ASAP2: variants seen among roughly 807,000 people sequenced by gnomAD.
The protein encoded by ASAP2 is ArfGAP with SH3 domain, ankyrin repeat and PH domain 2, also known as arf-GAP with SH3 domain, ANK repeat and PH domain-containing protein 2.
Under a neutral mutation model 131.4 loss-of-function variants are expected in ASAP2, and 45 were observed. The observed-to-expected ratio is 0.34, with a 90% CI of 0.27 to 0.44. The LOEUF (loss-of-function observed/expected upper bound fraction) is 0.44. ASAP2 is among the 20% of genes least tolerant of loss of function. The pLI is 1.00. For synonymous variants in ASAP2, 510 were observed against 503.0 expected (o/e 1.01, Z -0.19); for missense variants, 1,011 against 1,297.0 (o/e 0.78, Z 3.39).
chr2:9,266,022 C>G lies in ASAP2; in HGVS notation c.127-13295C>G, dbSNP rs183902887. 5.4e-4 allele frequency among the ~76,000 whole-genome samples: 82 copies of G among 152,256 alleles called. 1 individual carries two copies. Among genetic ancestry groups the G allele is most frequent in the Non-Finnish European group, 5.1e-4 (35 of 67,992 alleles). ...CTCCTGACCTCAAGTGATCCACCCC[C>G]CCACCCCCTGCCTTGGCCTCCCAAA... On this transcript the variant is annotated intron_variant, in intron 1 of 27. Transcript: ENST00000281419.
rs545613800 is a variant in ASAP2 at position 9,231,057 on chromosome 2, C to G, written c.126+23827C>G. On this transcript the variant is annotated intron_variant, in intron 1 of 27. Coordinates refer to ENST00000281419, the MANE Select transcript of ASAP2 (RefSeq NM_003887.3). Reference sequence around the variant, plus strand: ...GCTCGGCTGCTTTGCGGTTCTATGTCGGTCACTTTCCCCAGGCCACTTCCT... The same window carrying G: ...GCTCGGCTGCTTTGCGGTTCTATGTGGGTCACTTTCCCCAGGCCACTTCCT... Among the ~76,000 whole-genome samples the G allele has an allele frequency of 3.9e-5, 6 of 152,300 alleles. No individual in the cohort carries two copies. The East Asian group carries it at 1.2e-3, about 29-fold the overall frequency.
chr2:9,272,308 A>G (rs575699331), intron 1 of ASAP2, among the ~76,000 whole-genome samples: 5 of 152,216 alleles, frequency 3.3e-5, no homozygotes, highest in South Asian at 2.1e-4. Flanking sequence ...CGGATGATCA[A>G]TGATGTTGAA....
chr2:9,253,135 T>C (rs1021682357), intron 1 of ASAP2, among the ~76,000 whole-genome samples: 1 of 152,148 alleles, frequency 6.6e-6, no homozygotes, highest in African/African-American at 2.4e-5. Context: ...TGAGGTCTAC[T>C]CTGCAAACAA....
At chr2:9,307,760 A>G (rs1303952385) in intron 3 of ASAP2, among the ~76,000 whole-genome samples, 1 of 152,100 alleles carries the variant, frequency 6.6e-6, no homozygotes, top group African/African-American at 2.4e-5. Context: ...AAAGTTGCCA[A>G]TGTGTTTTTG....
At chr2:9,401,225 G>A in intron 26 of ASAP2, 49 bp from the exon 27 acceptor site, 3 of 1,608,010 alleles carry the variant, frequency 1.9e-6, no homozygotes, top group Non-Finnish European at 2.5e-6. Context: ...TCTGCCCTGA[G>A]AGCTGAGGCC....
intron 22 of ASAP2, among the ~76,000 whole-genome samples, 161 bp from the exon 23 acceptor site, chr2:9,390,901 C>T (rs920855129): frequency 2.0e-5 from 3 of 152,176 alleles, no homozygotes; most frequent in East Asian, 1.9e-4. Context: ...TTCCACATGC[C>T]GGAGACAGGA....
At chr2:9,256,984 T>C (rs2148174444) in intron 1 of ASAP2, among the ~76,000 whole-genome samples, 1 of 152,236 alleles carries the variant, frequency 6.6e-6, no homozygotes, top group East Asian at 1.9e-4. Flanking sequence ...AGTCCTTGGC[T>C]GGAGTGCCTC....
intron 1 of ASAP2, among the ~76,000 whole-genome samples, chr2:9,246,607 C>A (rs1003456664): frequency 5.3e-5 from 8 of 152,162 alleles, no homozygotes; most frequent in African/African-American, 1.9e-4. Flanking sequence ...AAATTGTAAT[C>A]ATTCACCTGT....
chr2:9,388,231 A>G, intron 21 of ASAP2, 63 bp from the exon 22 acceptor site: 2 of 1,595,754 alleles, frequency 1.3e-6, no homozygotes. Context: ...CCTGTGTTGA[A>G]TGTTATCACC....
At chr2:9,278,989 T>C (rs1403511965) in intron 1 of ASAP2, among the ~76,000 whole-genome samples, 1 of 152,198 alleles carries the variant, frequency 6.6e-6, no homozygotes, top group Admixed American at 6.5e-5. Flanking sequence ...AGGGTTCGGC[T>C]GGAGTAATTC....
chr2:9,402,557 G>A (rs1360792090), intron 27 of ASAP2, among the ~76,000 whole-genome samples: 3 of 152,148 alleles, frequency 2.0e-5, no homozygotes, highest in Non-Finnish European at 2.9e-5. Context: ...CCCACCATCC[G>A]GAAGGGGCGC....
intron 5 of ASAP2, among the ~76,000 whole-genome samples, chr2:9,320,658 C>T (rs576743534): frequency 1.3e-5 from 2 of 152,280 alleles, no homozygotes; most frequent in South Asian, 2.1e-4. Flanking sequence ...AACACTTTGT[C>T]CATTCCGTTA....
At position 9,297,390 on chromosome 2, in the gene ASAP2, C is replaced by T. The variant is rs568509831; in HGVS notation, c.290C>T (p.Ala97Val). The change falls in exon 3 of 28, where the codon GCG (alanine) becomes GTG (valine). Residue 97 changes from alanine to valine, a missense_variant. Coordinates refer to ENST00000281419, the MANE Select transcript of ASAP2 (RefSeq NM_003887.3). ...AGAGATGACCCAGATTTAGGAAGTG[C>T]GTTCCTGAAGTTCTCAGTGTTTACA... ...VCRDDPDLGS[A>V]FLKFSVFTKE... is the part of the protein sequence containing the mutation. 1 of 1,614,114 alleles carries T rather than the reference C, an allele frequency of 6.2e-7. No individual in the cohort carries two copies. The highest frequency in any genetic ancestry group is 8.5e-7 in the Non-Finnish European group (1 of 1,180,012).
chr2:9,318,820 G>A (rs1669968786), intron 4 of ASAP2, among the ~76,000 whole-genome samples: 1 of 152,242 alleles, frequency 6.6e-6, no homozygotes, highest in African/African-American at 2.4e-5. Flanking sequence ...AACAAAGTTG[G>A]TGAGGGGAGG....
chr2:9,261,493 T>C (rs966353038), intron 1 of ASAP2, among the ~76,000 whole-genome samples: 1 of 152,238 alleles, frequency 6.6e-6, no homozygotes, highest in Admixed American at 6.5e-5. Flanking sequence ...CTGTGGAGTG[T>C]AAATTGCTGT....
At chr2:9,325,116 ATTAAAC>A (rs1328760113) in intron 6 of ASAP2, among the ~76,000 whole-genome samples, 1 of 152,224 alleles carries the variant, frequency 6.6e-6, no homozygotes, top group Non-Finnish European at 1.5e-5. Flanking sequence ...AAAGCCTTTA[ATTAAAC>A]TTAAAGGGTT....
In ASAP2 at chr2:9,376,910, G is replaced by T; in HGVS notation, c.1749G>T (p.Glu583Asp). Reference sequence around the variant, plus strand: ...AATGCCTTTGTTTGGTTTTTCAGGAGCCGGATGAAACGGCCCTCCACCTTG... The same window carrying T: ...AATGCCTTTGTTTGGTTTTTCAGGATCCGGATGAAACGGCCCTCCACCTTG... ...TEKIPLANGH[E>D]PDETALHLAV... Residue 583 changes from glutamate to aspartate, a missense_variant and splice_region_variant, in exon 18 of 28, where the codon GAG (glutamate) becomes GAT (aspartate). Transcript: ENST00000281419. 2 of 1,614,086 alleles carry T rather than the reference G, an allele frequency of 1.2e-6. No individual in the cohort carries two copies. Among genetic ancestry groups the T allele is most frequent in the Non-Finnish European group, 1.7e-6 (2 of 1,179,984 alleles).
chr2:9,348,752 T>C (rs1369242902), intron 11 of ASAP2, among the ~76,000 whole-genome samples: 3 of 152,196 alleles, frequency 2.0e-5, no homozygotes, highest in Non-Finnish European at 2.9e-5. Context: ...AAATCTATCT[T>C]TGATAGTAGT....
At chr2:9,227,524 C>T (rs1392541977) in intron 1 of ASAP2, among the ~76,000 whole-genome samples, 1 of 152,152 alleles carries the variant, frequency 6.6e-6, no homozygotes. Flanking sequence ...TTTTCAAACG[C>T]TATTCGGGTG....
Sources: gnomAD v4.1 joint callset for allele counts (sites outside exome capture counted in the v4.1 genomes callset) on GRCh38, gnomAD v4.1.1 for gene constraint, MANE v1.5 for transcripts, NCBI Gene and HGNC (gene_info 2026-07-23, HGNC 2026-07-21) for gene names.